Variants in MRTFA observed in about 807,000 individuals in gnomAD.
MRTFA encodes myocardin related transcription factor A, also known as myocardin-related transcription factor A.
Under a neutral mutation model 83.5 loss-of-function variants are expected in MRTFA, and 20 were observed. The ratio of observed to expected loss-of-function variants is 0.24; its 90% CI spans 0.17 to 0.35. The LOEUF is 0.35. Ranked by LOEUF, MRTFA falls within the 10% of genes least tolerant of loss-of-function variation. The pLI is 1.00. For missense variants in MRTFA, 1,200 were observed against 1,224.7 expected, an observed-to-expected ratio of 0.98 and a Z score of 0.30; for synonymous variants, 659 against 541.2, an observed-to-expected ratio of 1.22 and a Z score of -3.02.
chr22:40,472,342 G>A (rs999981894), intron 3 of MRTFA, among the ~76,000 whole-genome samples: 7 of 152,194 alleles, frequency 4.6e-5, no homozygotes, highest in Admixed American at 6.5e-5. Flanking sequence ...ACCCATGTTC[G>A]TGATGCCAAT....
intron 3 of MRTFA, among the ~76,000 whole-genome samples, chr22:40,491,064 C>T (rs1056456374): frequency 1.9e-4 from 29 of 152,024 alleles, no homozygotes; most frequent in African/African-American, 6.8e-4. Context: ...TGAAAGAAGC[C>T]GAGCACGGTG....
rs2147148226 is a variant in MRTFA, at chr22:40,460,520, T to C, written c.307+2701A>G. On this transcript the variant is annotated intron_variant, in intron 4 of 14. Transcript: ENST00000355630. Reference sequence around the variant, plus strand: ...GTTTTGGCAGCCCAAATTTTGGCTGTTCAATGCCTTGAGGGCAGATACCAT... The same window carrying C: ...GTTTTGGCAGCCCAAATTTTGGCTGCTCAATGCCTTGAGGGCAGATACCAT... 1.3e-5 allele frequency among the ~76,000 whole-genome samples: 2 copies of C among 152,352 alleles called. 1 individual carries two copies. The highest frequency in any genetic ancestry group is 2.9e-5 in the Non-Finnish European group (2 of 68,028).
intron 3 of MRTFA, among the ~76,000 whole-genome samples, chr22:40,470,263 ATATATATATATATATAT>A (rs2053882929): frequency 8.5e-6 from 1 of 117,354 alleles, no homozygotes; most frequent in Non-Finnish European, 1.7e-5. Context: ...ATATATATAT[ATATATATATATATATAT>A]AAAGAAACAT....
intron 2 of MRTFA, chr22:40,569,775 A>ACATCCATC (rs1424925631): frequency 1.6e-5 from 2 of 126,586 alleles, no homozygotes; most frequent in East Asian, 2.2e-4. Context: ...ATACATACAT[A>ACATCCATC]CATCAAGGGG....
rs754575099 is a variant in MRTFA, at chr22:40,424,292, G to A, written c.691C>T (p.His231Tyr). The change falls in exon 8 of 15, where the codon CAT (histidine) becomes TAT (tyrosine). Residue 231 changes from histidine (H) to tyrosine (Y), a missense_variant. By Grantham distance (83) the His-to-Tyr change is moderately conservative. This residue lies in a region of MRTFA where 1,107 missense variants were observed against 1,041.8 expected (regional missense o/e 1.06). Coordinates refer to ENST00000355630, the MANE Select transcript of MRTFA (RefSeq NM_020831.6). ...GACGGCACAGAACCCTGGGACTCAT[G>A]GCTGGCAGGCTGCTCGGGGGATAAG... 6.2e-7 allele frequency: 1 copy of A among 1,612,864 alleles called. No homozygotes were observed. Among genetic ancestry groups the A allele is most frequent in the Non-Finnish European group, 8.5e-7 (1 of 1,179,512 alleles).
Position 40,435,489 on chromosome 22 carries a change from G to A in MRTFA, c.363+10C>T, listed in dbSNP as rs2053150644. The A allele has an allele frequency of 6.2e-7, 1 of 1,613,896 alleles. No homozygotes were observed. Among genetic ancestry groups the A allele is most frequent in the African/African-American group, 1.3e-5 (1 of 74,902 alleles). On this transcript the variant is annotated intron_variant, in intron 5 of 14. Transcript: ENST00000355630. ...TTTGGGAGTTCTGAGGGGGAAAAAA[G>A]GTACCTTACCCTGGCCCGCTCCAAG... is the stretch of plus-strand genomic sequence containing the variant.
intron 2 of MRTFA, among the ~76,000 whole-genome samples, chr22:40,580,985 T>C (rs1009574223): frequency 6.6e-6 from 1 of 152,200 alleles, no homozygotes; most frequent in Non-Finnish European, 1.5e-5. Context: ...TTTATTCTTT[T>C]TTTTTTTAAA....
At chr22:40,419,530 C>T in intron 11 of MRTFA, 146 bp from the exon 12 acceptor site, 1 of 693,388 alleles carries the variant, frequency 1.4e-6, no homozygotes, top group Non-Finnish European at 2.4e-6. Flanking sequence ...TGCAATGCCC[C>T]CCACCACCTG....
intron 1 of MRTFA, among the ~76,000 whole-genome samples, chr22:40,614,439 C>T (rs563769325): frequency 1.0e-3 from 154 of 151,716 alleles, no homozygotes; most frequent in African/African-American, 3.5e-3. Context: ...TTATATTTCC[C>T]TTGCAATTAT....
At chr22:40,557,170 C>T (rs922095078) in intron 2 of MRTFA, among the ~76,000 whole-genome samples, 6 of 152,082 alleles carry the variant, frequency 3.9e-5, no homozygotes, top group Admixed American at 3.9e-4. Flanking sequence ...ATGAAAGATA[C>T]ATAAAGATAA....
chr22:40,419,124 G>A lies in MRTFA; in HGVS notation c.1614C>T (p.Ser538=), dbSNP rs2052767048. Reference sequence around the variant, plus strand: ...TGCTGCCAAACTTCACCACCCCACTGCTGGCCACCGTGGCCACCACCACCT... The same window carrying A: ...TGCTGCCAAACTTCACCACCCCACTACTGGCCACCGTGGCCACCACCACCT... Residue 538 remains serine, a synonymous_variant, in exon 12 of 15, where the codon AGC becomes AGT. Transcript: ENST00000355630. 3 of 1,589,930 alleles carry A rather than the reference G, an allele frequency of 1.9e-6. No individual in the cohort carries two copies. The highest frequency in any genetic ancestry group is 1.1e-5 in the South Asian group (1 of 88,542).
In MRTFA at chr22:40,431,342, G is replaced by A. The variant is rs1201459028; in HGVS notation, c.439+63C>T. On this transcript the variant is annotated intron_variant, in intron 6 of 14. Transcript: ENST00000355630. Reference sequence around the variant, plus strand: ...AAGAGGCAGGAAGGAAATGGGTAGTGCAGTAGTGAGTACACACAGTGAGAA... The same window carrying A: ...AAGAGGCAGGAAGGAAATGGGTAGTACAGTAGTGAGTACACACAGTGAGAA... 3 of 1,440,962 alleles carry A rather than the reference G, an allele frequency of 2.1e-6. No homozygotes were observed. The African/African-American group carries it at 4.2e-5, about 20-fold the overall frequency. The allele number at this position is 1,440,962 out of a possible 1,614,324, so 89.3% of individuals were successfully genotyped here.
chr22:40,554,961 G>T (rs193248172), intron 2 of MRTFA, among the ~76,000 whole-genome samples: 1 of 152,342 alleles, frequency 6.6e-6, no homozygotes, highest in East Asian at 1.9e-4. Flanking sequence ...TTTAATGACT[G>T]CCCTGCTGGG....
At chr22:40,431,842 C>G (rs1194266549) in intron 5 of MRTFA, among the ~76,000 whole-genome samples, 1 of 152,244 alleles carries the variant, frequency 6.6e-6, no homozygotes, top group Non-Finnish European at 1.5e-5. Flanking sequence ...TAATCAGCCA[C>G]TCTTAGTATT....
chr22:40,418,331 A>G, intron 12 of MRTFA, 43 bp downstream of exon 12: 1 of 1,593,240 alleles, frequency 6.3e-7, no homozygotes. Context: ...CGCTCTTCCC[A>G]CCCTCCTCTG....
chr22:40,466,084 T>C (rs898963828), intron 3 of MRTFA, among the ~76,000 whole-genome samples: 1 of 152,194 alleles, frequency 6.6e-6, no homozygotes, highest in Non-Finnish European at 1.5e-5. Context: ...CCTGGGTTTA[T>C]TCTCTGGTGA....
At chr22:40,556,230 A>G (rs2055521867) in intron 2 of MRTFA, among the ~76,000 whole-genome samples, 2 of 152,194 alleles carry the variant, frequency 1.3e-5, no homozygotes, top group Admixed American at 1.3e-4. Context: ...GCAAACTTTT[A>G]TGAGGACTTT....
intron 6 of MRTFA, 77 bp from the exon 7 acceptor site, chr22:40,429,844 C>G: frequency 7.0e-7 from 1 of 1,433,450 alleles, no homozygotes; most frequent in Non-Finnish European, 9.4e-7. Flanking sequence ...CAGAGCAGCT[C>G]TCCTTCCTCC....
chr22:40,535,352 T>TC lies in MRTFA; in HGVS notation c.241+16753_241+16754insG, dbSNP rs201270829. On this transcript the variant is annotated intron_variant, in intron 3 of 14. Coordinates refer to ENST00000355630, the MANE Select transcript of MRTFA (RefSeq NM_020831.6). Reference sequence around the variant, plus strand: ...TTGCTGTGTGAGAGGTTTTTTCTTTTTTTTTTTTTTTTTCTTTTTGAGACT... The same window carrying TC: ...TTGCTGTGTGAGAGGTTTTTTCTTTTCTTTTTTTTTTTTTCTTTTTGAGACT... Among the ~76,000 whole-genome samples the TC allele has an allele frequency of 1.1e-4, 15 of 130,712 alleles. 1 individual carries two copies. Among genetic ancestry groups the TC allele is most frequent in the African/African-American group, 4.3e-4 (13 of 30,302 alleles). The allele number at this position is 130,712 out of a possible 152,430, so 85.8% of individuals were successfully genotyped here. A position where few individuals can be genotyped will look rare whatever the true frequency, so the allele number is the denominator to read the frequency against.
Sources: allele counts gnomAD v4.1 joint callset (sites outside exome capture counted in the v4.1 genomes callset), GRCh38; gene constraint gnomAD v4.1.1; regional missense constraint gnomAD v4.1.1; transcripts MANE v1.5; gene names NCBI Gene and HGNC (gene_info 2026-07-23, HGNC 2026-07-21).